PROM2: variants seen among roughly 807,000 people sequenced by gnomAD.
PROM2 encodes prominin 2.
PROM2 carries 90 observed loss-of-function variants against 110.2 expected under a neutral mutation model. That is an observed-to-expected ratio of 0.82 (90% CI 0.69 to 0.97). PROM2 has a LOEUF of 0.97. PROM2 is among the 50% of genes least tolerant of loss of function. PROM2 has a pLI of 0.00. For missense variants in PROM2, 1,009 were observed against 1,074.8 expected, an observed-to-expected ratio of 0.94 and a Z score of 0.86; for synonymous variants, 470 against 467.8, an observed-to-expected ratio of 1.00 and a Z score of -0.06.
chr2:95,290,663 A>G lies in PROM2; in HGVS notation c.*1450A>G, dbSNP rs1677639180. On this transcript the variant is annotated 3_prime_UTR_variant, in exon 24 of 24. Coordinates refer to ENST00000317620, the MANE Select transcript of PROM2 (RefSeq NM_001165978.3). Reference sequence around the variant, plus strand: ...GTGGCCTGGCACAAAACAAATGCTCAGTGGATGGAAGCTGCCTATTATTAT... The same window carrying G: ...GTGGCCTGGCACAAAACAAATGCTCGGTGGATGGAAGCTGCCTATTATTAT... 1 of 152,240 alleles carries G rather than the reference A, an allele frequency of 6.6e-6. No individual in the cohort carries two copies. The highest frequency in any genetic ancestry group is 2.1e-4 in the South Asian group (1 of 4,828). 9.4% of individuals were successfully genotyped at this position (152,240 alleles called of 1,614,324 possible). A position where few individuals can be genotyped will look rare whatever the true frequency, so the allele number is the denominator to read the frequency against.
Position 95,288,345 on chromosome 2 carries a change from C to T in PROM2, c.2334+45C>T, listed in dbSNP as rs767008013. The T allele has an allele frequency of 1.0e-5, 16 of 1,606,358 alleles. No individual in the cohort carries two copies. In the South Asian group the frequency reaches 1.8e-4, roughly 18 times the overall value. On this transcript the variant is annotated intron_variant, in intron 21 of 23. Transcript: ENST00000317620. ...GGGGCTTGTTCACCAAGTCCCGGAG[C>T]CTTCCTGCTCTCCAGGGAGGGCCGG...
intron 15 of PROM2, 107 bp from the exon 16 acceptor site, chr2:95,285,530 GGT>G (rs1231146090): frequency 6.1e-6 from 5 of 824,024 alleles, no homozygotes; most frequent in Non-Finnish European, 9.8e-6. Flanking sequence ...ACACTTAGCT[GGT>G]GTAGGTTATA....
Position 95,289,006 on chromosome 2 carries a change from G to A in PROM2, c.*10G>A, listed in dbSNP as rs1677547392. Reference sequence around the variant, plus strand: ...CTCCCTGAAGCTGTAGGGCCTTGTGGGTGAGTTTTCCCCAACTCGCTTAAT... The same window carrying A: ...CTCCCTGAAGCTGTAGGGCCTTGTGAGTGAGTTTTCCCCAACTCGCTTAAT... On this transcript the variant is annotated splice_region_variant and 3_prime_UTR_variant, in exon 23 of 24. Transcript: ENST00000317620. The A allele has an allele frequency of 6.2e-7, 1 of 1,613,314 alleles. No individual in the cohort carries two copies. Among genetic ancestry groups the A allele is most frequent in the South Asian group, 1.1e-5 (1 of 91,054 alleles).
chr2:95,274,843 TC>T lies in PROM2; in HGVS notation c.244+19del. 6.6e-7 allele frequency: 1 copy of T among 1,510,816 alleles called. No individual in the cohort carries two copies. The allele number at this position is 1,510,816 out of a possible 1,614,324, so 93.6% of individuals were successfully genotyped here. ...CTTTCCCTTCAGGTGAGTGTGCCCC[TC>T]CCCCATGAGGGCCTCAGCATTTGGG... On this transcript the variant is annotated intron_variant, in intron 1 of 23. Transcript: ENST00000317620.
Position 95,277,513 on chromosome 2 carries a change from G to T in PROM2, c.922G>T (p.Ala308Ser), listed in dbSNP as rs1558742049. 2.5e-6 allele frequency: 4 copies of T among 1,610,158 alleles called. No individual in the cohort carries two copies. The East Asian group carries it at 8.9e-5, about 36-fold the overall frequency. Reference protein sequence around the residue: ...LQEARCQGDCAGALSWARTLE... With the variant: ...LQEARCQGDCSGALSWARTLE... ...GGAGGCCAGGTGCCAGGGAGATTGT[G>T]CAGGGGCCCTGAGCTGGGCCCGCAC... is the stretch of plus-strand genomic sequence containing the variant. The change falls in exon 7 of 24, where the codon GCA becomes TCA. Residue 308 changes from alanine to serine, a missense_variant. Coordinates refer to ENST00000317620, the MANE Select transcript of PROM2 (RefSeq NM_001165978.3).
chr2:95,278,213 G>C (rs537764016), intron 8 of PROM2: 1 of 597,010 alleles, frequency 1.7e-6, no homozygotes, highest in Admixed American at 2.9e-5. Flanking sequence ...GGCGGCAGGC[G>C]TCTGGGGGTG....
Position 95,275,917 on chromosome 2 carries a change from G to T in PROM2, c.295-13G>T. The T allele has an allele frequency of 6.2e-7, 1 of 1,603,814 alleles. No homozygotes were observed. The highest frequency in any genetic ancestry group is 1.1e-5 in the South Asian group (1 of 89,420). ...GGGGTCGGGTCACCCCTCATGCCCT[G>T]CTGCCTGCCCAGGTGGTGCGGTACG... is the stretch of plus-strand genomic sequence containing the variant. On this transcript the variant is annotated splice_polypyrimidine_tract_variant and intron_variant, in intron 2 of 23. Coordinates refer to ENST00000317620, the MANE Select transcript of PROM2 (RefSeq NM_001165978.3). The surrounding 1 kb of genome is among the most constrained non-coding windows in gnomAD (Gnocchi z 4.4).
Position 95,274,648 on chromosome 2 carries a change from T to C in PROM2, c.63T>C (p.Ser21=). The C allele has an allele frequency of 6.2e-7, 1 of 1,609,872 alleles. No individual in the cohort carries two copies. Among genetic ancestry groups the C allele is most frequent in the Non-Finnish European group, 8.5e-7 (1 of 1,177,326 alleles). Residue 21 remains serine (S), a synonymous_variant, in exon 1 of 24, where the codon AGT becomes AGC. Transcript: ENST00000317620. ...GCCTGGGCCTGGGGCTGGCCCTGAG[T>C]CAGCTGGCTGCAGGGGCCACAGACT... ...LLGLGLGLAL[S]QLAAGATDCK...
In PROM2 at chr2:95,275,948, G is replaced by T; in HGVS notation, c.313G>T (p.Gly105Cys). Residue 105 changes from glycine (G) to cysteine (C), a missense_variant, in exon 3 of 24, where the codon GGC becomes TGC. By Grantham distance (159) the Gly-to-Cys change is radical. Transcript: ENST00000317620. This position sits in a 1 kb window ranked among gnomAD's most constrained non-coding sequence, Gnocchi z 4.4. ...KVNEVVRYEA[G>C]YVVCAVIAGL... ...TGCCCAGGTGGTGCGGTACGAGGCG[G>T]GCTACGTGGTATGCGCTGTGATCGC... 6.2e-7 allele frequency: 1 copy of T among 1,611,696 alleles called. No individual in the cohort carries two copies.
Position 95,276,846 on chromosome 2 carries a change from C to A in PROM2, c.683-126C>A. 1 of 1,148,514 alleles carries A rather than the reference C, an allele frequency of 8.7e-7. No homozygotes were observed. Among genetic ancestry groups the A allele is most frequent in the Non-Finnish European group, 1.3e-6 (1 of 795,308 alleles). 71.1% of individuals were successfully genotyped at this position (1,148,514 alleles called of 1,614,324 possible). On this transcript the variant is annotated intron_variant, in intron 5 of 23. Coordinates refer to ENST00000317620, the MANE Select transcript of PROM2 (RefSeq NM_001165978.3). This position sits in a 1 kb window ranked among gnomAD's most constrained non-coding sequence, Gnocchi z 4.6. ...GCTGGAGGAAGAAGCCGTGTCCCCG[C>A]TCCTTCACTCCCCTCCACCCCCCGG...
Position 95,274,725 on chromosome 2 carries a change from C to A in PROM2, c.140C>A (p.Ala47Asp). The A allele has an allele frequency of 6.2e-7, 1 of 1,612,356 alleles. No homozygotes were observed. The highest frequency in any genetic ancestry group is 8.5e-7 in the Non-Finnish European group (1 of 1,179,908). ...EHLTFTPAAR[A>D]RWLAPRVRAP... ...CTGACATTCACCCCAGCAGCCAGGG[C>A]CCGGTGGCTGGCCCCTCGAGTTCGT... Residue 47 changes from alanine to aspartate, a missense_variant, in exon 1 of 24, where the codon GCC (alanine) becomes GAC (aspartate). By Grantham distance (126) the Ala-to-Asp change is moderately radical. Transcript: ENST00000317620.
In PROM2 at chr2:95,291,207, A is replaced by G. The variant is rs1677664824; in HGVS notation, c.*1994A>G. The G allele has an allele frequency of 6.6e-6, 1 of 151,626 alleles. No individual in the cohort carries two copies. The highest frequency in any genetic ancestry group is 1.5e-5 in the Non-Finnish European group (1 of 67,920). 9.4% of individuals were successfully genotyped at this position (151,626 alleles called of 1,614,324 possible). The stretch of plus-strand genomic sequence containing the variant: ...GACTGCCTCTTTTTGCTTTTCCTAG[A>G]GGTTTTTTTTTTGCTTGTTACTCAT... On this transcript the variant is annotated 3_prime_UTR_variant, in exon 24 of 24. Coordinates refer to ENST00000317620, the MANE Select transcript of PROM2 (RefSeq NM_001165978.3).
rs1261826117 is a variant in PROM2 at position 95,277,407 on chromosome 2, A to G, written c.816A>G (p.Thr272=). ...ACCACCTGCAAACCTTGAATGCTAC[A>G]GTGGTAGAGCTGCAGGCCGGGCAGC... ...SVHHLQTLNA[T]VVELQAGQQD... Residue 272 remains threonine (T), a synonymous_variant, in exon 7 of 24, where the codon ACA becomes ACG. Coordinates refer to ENST00000317620, the MANE Select transcript of PROM2 (RefSeq NM_001165978.3). 1.9e-6 allele frequency: 3 copies of G among 1,612,796 alleles called. No individual in the cohort carries two copies. Among genetic ancestry groups the G allele is most frequent in the African/African-American group, 1.3e-5 (1 of 74,878 alleles).
chr2:95,288,204 G>A lies in PROM2; in HGVS notation c.2245-7G>A, dbSNP rs149529546. Reference sequence around the variant, plus strand: ...TCTGCATCACCTGCCTCATGTTGGCGCCACAGGTGACTCAGCGCATTGCCA... The same window carrying A: ...TCTGCATCACCTGCCTCATGTTGGCACCACAGGTGACTCAGCGCATTGCCA... On this transcript the variant is annotated splice_region_variant and splice_polypyrimidine_tract_variant and intron_variant, in intron 20 of 23. Transcript: ENST00000317620. 194 of 1,612,958 alleles carry A rather than the reference G, an allele frequency of 1.2e-4. No homozygotes were observed. In the Middle Eastern group the frequency reaches 2.0e-3, roughly 16 times the overall value.
rs781446923 is a variant in PROM2 at position 95,277,501 on chromosome 2, CA to C, written c.911del (p.Gln304ArgfsTer8). Reference sequence around the variant, plus strand: ...TGAGCTGCTGCAGGAGGCCAGGTGCCAGGGAGATTGTGCAGGGGCCCTGAGC... The same window carrying C: ...TGAGCTGCTGCAGGAGGCCAGGTGCCGGGAGATTGTGCAGGGGCCCTGAGC... ...LLELLQEARC[Q>X]GDCAGALSWA... On this transcript the variant is annotated frameshift_variant, in exon 7 of 24. Transcript: ENST00000317620. LOFTEE classifies it high-confidence loss of function. 2 of 1,611,348 alleles carry C rather than the reference CA, an allele frequency of 1.2e-6. No individual in the cohort carries two copies. The highest frequency in any genetic ancestry group is 2.2e-5 in the East Asian group (1 of 44,862).
intron 10 of PROM2, 103 bp from the exon 11 acceptor site, chr2:95,279,742 G>T: frequency 1.1e-6 from 1 of 948,980 alleles, no homozygotes; most frequent in Non-Finnish European, 1.4e-6. Context: ...TGAAGCCCCA[G>T]CCTTGGGGTT....
At chr2:95,279,794 T>C in intron 10 of PROM2, 51 bp from the exon 11 acceptor site, 1 of 1,368,200 alleles carries the variant, frequency 7.3e-7, no homozygotes, top group African/African-American at 1.5e-5. Flanking sequence ...CTGTCCATGT[T>C]GGTGCCAGCC....
At chr2:95,284,791 A>T (rs1486337859) in intron 14 of PROM2, among the ~76,000 whole-genome samples, 178 bp from the exon 15 acceptor site, 1 of 152,214 alleles carries the variant, frequency 6.6e-6, no homozygotes, top group Non-Finnish European at 1.5e-5. Context: ...CCCGTGATCT[A>T]GTACCTCCCA....
chr2:95,287,223 G>A lies in PROM2; in HGVS notation c.2175+10G>A. 6.2e-7 allele frequency: 1 copy of A among 1,613,010 alleles called. No homozygotes were observed. Among genetic ancestry groups the A allele is most frequent in the South Asian group, 1.1e-5 (1 of 91,032 alleles). On this transcript the variant is annotated intron_variant, in intron 19 of 23. Coordinates refer to ENST00000317620, the MANE Select transcript of PROM2 (RefSeq NM_001165978.3). ...CAGGATCCTGAGGAATGTGAGTGGT[G>A]GGTGGGACAGGGAAGGGGCTTCCAC...
Sources: gnomAD v4.1 joint callset for allele counts (sites outside exome capture counted in the v4.1 genomes callset) on GRCh38, gnomAD v4.1.1 for gene constraint, Gnocchi (gnomAD v3.1) non-coding constraint, MANE v1.5 for transcripts, NCBI Gene and HGNC (gene_info 2026-07-23, HGNC 2026-07-21) for gene names.